The following PPP2CB variants were observed in gnomAD, a reference collection of about 807,000 sequenced individuals.
The protein encoded by PPP2CB is serine/threonine-protein phosphatase 2A catalytic subunit beta isoform.
PPP2CB carries 18 observed loss-of-function variants against 39.1 expected under a neutral mutation model. That is an observed-to-expected ratio of 0.46 (90% CI 0.32 to 0.68). PPP2CB has a LOEUF of 0.68. Among genes scored for constraint, PPP2CB ranks in the 30% least tolerant of loss-of-function variants. The probability of loss-of-function intolerance (pLI) is 0.04; values close to 1 mark genes in which losing one functional copy is unlikely to be tolerated. For missense variants in PPP2CB, 226 were observed against 396.9 expected (o/e 0.57, Z 3.66); for synonymous variants, 129 against 133.8 (o/e 0.96, Z 0.25).
At chr8:30,801,161 C>T (rs1313647081) in intron 1 of PPP2CB, among the ~76,000 whole-genome samples, 1 of 151,772 alleles carries the variant, frequency 6.6e-6, no homozygotes, top group Non-Finnish European at 1.5e-5. Context: ...CTGCAGTGAG[C>T]CATGGTCGCA....
At chr8:30,786,506 A>ATTTTTTTTTTTTTTTTTTTTTT (rs1489822821) in intron 6 of PPP2CB, 199 bp from the exon 7 acceptor site, 2 of 385,934 alleles carry the variant, frequency 5.2e-6, no homozygotes, top group African/African-American at 4.3e-5. Flanking sequence ...TATGGTGAAA[A>ATTTTTTTTTTTTTTTTTTTTTT]TTTAAGAAGA....
At chr8:30,799,881 G>A (rs750205564) in intron 1 of PPP2CB, 126 bp from the exon 2 acceptor site, 33 of 687,920 alleles carry the variant, frequency 4.8e-5, no homozygotes, top group Non-Finnish European at 7.1e-5. Flanking sequence ...ACCAAACCAC[G>A]AGATAACACT....
chr8:30,798,439 GT>G (rs1405781314), intron 2 of PPP2CB, among the ~76,000 whole-genome samples: 1 of 116,362 alleles, frequency 8.6e-6, no homozygotes, highest in Non-Finnish European at 1.9e-5. Context: ...CGTAAGTTTG[GT>G]GCTATAAAGC....
At position 30,812,367 on chromosome 8, in the gene PPP2CB, C is replaced by G. The variant is rs759127793; in HGVS notation, c.55G>C (p.Glu19Gln). ...TGGTTCTCGTTCAGCTGCTTACACT[C>G]GTTCAGCTGCTCGACCCACTGGTCC... is the stretch of plus-strand genomic sequence containing the variant. ...ELDQWVEQLN[E>Q]CKQLNENQVR... Residue 19 changes from glutamate (E) to glutamine (Q), a missense_variant, in exon 1 of 7, where the codon GAG (glutamate) becomes CAG (glutamine). Physicochemically the swap from Glu to Gln is conservative, Grantham distance 29 (BLOSUM62 2). This residue lies in a region of PPP2CB where 59 missense variants were observed against 42.6 expected (regional missense o/e 1.38). Transcript: ENST00000221138. 6.4e-7 allele frequency: 1 copy of G among 1,564,640 alleles called. No individual in the cohort carries two copies. Among genetic ancestry groups the G allele is most frequent in the Admixed American group, 1.8e-5 (1 of 56,888 alleles).
intron 6 of PPP2CB, among the ~76,000 whole-genome samples, chr8:30,790,099 T>C (rs1806406369): frequency 1.3e-5 from 2 of 152,172 alleles, no homozygotes; most frequent in African/African-American, 4.8e-5. Flanking sequence ...AATAATTATA[T>C]CTGTAAAGAT....
chr8:30,788,922 T>C (rs997257967), intron 6 of PPP2CB, among the ~76,000 whole-genome samples: 5 of 152,270 alleles, frequency 3.3e-5, no homozygotes, highest in Non-Finnish European at 7.3e-5. Context: ...CTGGAATTCA[T>C]GTCCTTGGGG....
intron 1 of PPP2CB, among the ~76,000 whole-genome samples, chr8:30,802,559 C>A (rs919622847): frequency 6.6e-6 from 1 of 152,080 alleles, no homozygotes; most frequent in African/African-American, 2.4e-5. Context: ...TAGCTCACTG[C>A]AGCCTCAAAC....
At chr8:30,795,395 A>C (rs1806506163) in intron 3 of PPP2CB, among the ~76,000 whole-genome samples, 1 of 152,198 alleles carries the variant, frequency 6.6e-6, no homozygotes, top group African/African-American at 2.4e-5. Flanking sequence ...GATTACAGGC[A>C]TGAGCCACCT....
chr8:30,800,941 T>C (rs1289748543), intron 1 of PPP2CB, among the ~76,000 whole-genome samples: 1 of 152,130 alleles, frequency 6.6e-6, no homozygotes. Context: ...GCGCGGTGGC[T>C]CATGCCTGTA....
At position 30,798,159 on chromosome 8, in the gene PPP2CB, C is replaced by G. The variant is rs181992339; in HGVS notation, c.313-405G>C. ...AGGTTTGAAGCTGAGACAAACTCTA[C>G]AGATTAACTTCTTCCCTTTTCAATT... On this transcript the variant is annotated intron_variant, in intron 2 of 6. Coordinates refer to ENST00000221138, the MANE Select transcript of PPP2CB (RefSeq NM_001009552.2). 2.0e-3 allele frequency among the ~76,000 whole-genome samples: 312 copies of G among 152,310 alleles called. 2 individuals carry two copies. Among genetic ancestry groups the G allele is most frequent in the Non-Finnish European group, 2.6e-3 (178 of 68,022 alleles).
chr8:30,804,011 T>C (rs1403348896), intron 1 of PPP2CB, among the ~76,000 whole-genome samples: 2 of 152,094 alleles, frequency 1.3e-5, no homozygotes, highest in Non-Finnish European at 2.9e-5. Flanking sequence ...TTAGTAGAGA[T>C]GGGGTTTCAC....
intron 2 of PPP2CB, among the ~76,000 whole-genome samples, chr8:30,799,221 T>C (rs1006903581): frequency 6.6e-6 from 1 of 152,088 alleles, no homozygotes; most frequent in African/African-American, 2.4e-5. Context: ...ATAAACTGTG[T>C]GAAAATAGAA....
chr8:30,790,948 A>C, intron 6 of PPP2CB: 1 of 342,492 alleles, frequency 2.9e-6, no homozygotes, highest in South Asian at 3.8e-5. Flanking sequence ...GACTACGGCT[A>C]TTATTACTGA....
intron 1 of PPP2CB, among the ~76,000 whole-genome samples, chr8:30,805,159 G>C (rs1806698528): frequency 6.6e-6 from 1 of 152,160 alleles, no homozygotes; most frequent in Non-Finnish European, 1.5e-5. Context: ...TGCTACTCAA[G>C]CCAAGTCGAG....
intron 3 of PPP2CB, among the ~76,000 whole-genome samples, chr8:30,796,079 G>A (rs1373256782): frequency 1.3e-5 from 2 of 152,236 alleles, no homozygotes; most frequent in African/African-American, 4.8e-5. Context: ...ATTCTGTCCA[G>A]CAATTTTATT....
chr8:30,811,557 T>A (rs1016908034), intron 1 of PPP2CB, among the ~76,000 whole-genome samples: 1 of 149,414 alleles, frequency 6.7e-6, no homozygotes, highest in Non-Finnish European at 1.5e-5. Context: ...AGTGGCGCGA[T>A]CTCGACTCAC....
intron 2 of PPP2CB, among the ~76,000 whole-genome samples, chr8:30,798,381 T>C (rs896165487): frequency 1.3e-5 from 2 of 152,248 alleles, no homozygotes; most frequent in Non-Finnish European, 2.9e-5. Context: ...GCTGCAAGTA[T>C]GTACTTCAAT....
chr8:30,809,750 G>C (rs1191317658), intron 1 of PPP2CB, among the ~76,000 whole-genome samples: 1 of 152,106 alleles, frequency 6.6e-6, no homozygotes, highest in East Asian at 1.9e-4. Flanking sequence ...AGACCAGCCT[G>C]GGCAACACGG....
At chr8:30,800,263 T>C (rs1806597707) in intron 1 of PPP2CB, among the ~76,000 whole-genome samples, 1 of 152,246 alleles carries the variant, frequency 6.6e-6, no homozygotes, top group African/African-American at 2.4e-5. Flanking sequence ...GAAGACATTA[T>C]GGTAAGTGCA....
Sources: allele counts gnomAD v4.1 joint callset (sites outside exome capture counted in the v4.1 genomes callset), GRCh38; gene constraint gnomAD v4.1.1; regional missense constraint gnomAD v4.1.1; transcripts MANE v1.5; gene names NCBI Gene and HGNC (gene_info 2026-07-23, HGNC 2026-07-21).